The following MTAP variants were observed in gnomAD, a reference collection of about 807,000 sequenced individuals.
The protein encoded by MTAP is methylthioadenosine phosphorylase, also known as S-methyl-5'-thioadenosine phosphorylase.
In MTAP, 33 loss-of-function variants were observed where a neutral mutation model predicts 33.6. The observed-to-expected ratio is 0.98, with a 90% confidence interval of 0.74 to 1.31. The LOEUF (loss-of-function observed/expected upper bound fraction) is 1.31, where lower values mean the gene tolerates loss of function less well. MTAP is among the 40% of genes most tolerant of loss of function. The pLI is 0.00. For synonymous variants in MTAP, 148 were observed against 125.7 expected, an observed-to-expected ratio of 1.18 and a Z score of -1.19; for missense variants, 367 against 360.0, an observed-to-expected ratio of 1.02 and a Z score of -0.16.
intron 1 of MTAP, among the ~76,000 whole-genome samples, chr9:21,903,867 T>C (rs976385854): frequency 5.9e-5 from 9 of 152,174 alleles, no homozygotes; most frequent in Non-Finnish European, 7.3e-5. Context: ...TCTTTTAGTT[T>C]AGCTGTCTGT....
At chr9:21,818,420 C>T (rs1053587840) in intron 4 of MTAP, among the ~76,000 whole-genome samples, 59 of 149,854 alleles carry the variant, frequency 3.9e-4, no homozygotes, top group Admixed American at 2.3e-3. Context: ...CTCCGCCTCC[C>T]AGGTTCAAGC....
At chr9:21,916,088 G>GAAGC (rs1266807690) in intron 1 of MTAP, among the ~76,000 whole-genome samples, 1 of 147,134 alleles carries the variant, frequency 6.8e-6, no homozygotes. Flanking sequence ...GGAAAGGAAG[G>GAAGC]AAGGAAGGAA....
intron 1 of MTAP, among the ~76,000 whole-genome samples, chr9:21,872,392 G>T (rs1358301310): frequency 6.6e-6 from 1 of 152,050 alleles, no homozygotes; most frequent in African/African-American, 2.4e-5. Flanking sequence ...TTTTTTAAAG[G>T]AAGGCTACTT....
chr9:21,894,807 A>AT (rs1480469832), intron 1 of MTAP, among the ~76,000 whole-genome samples: 4 of 151,844 alleles, frequency 2.6e-5, no homozygotes, highest in African/African-American at 9.7e-5. Flanking sequence ...CCTGCATCTG[A>AT]TTAAAAAAAA....
At chr9:21,889,115 T>A (rs1818158901) in intron 1 of MTAP, among the ~76,000 whole-genome samples, 1 of 152,054 alleles carries the variant, frequency 6.6e-6, no homozygotes, top group Non-Finnish European at 1.5e-5. Context: ...GAAAATCAGT[T>A]ATTCTTAGGT....
At chr9:21,856,883 T>C (rs566132618) in intron 6 of MTAP, among the ~76,000 whole-genome samples, 1 of 152,364 alleles carries the variant, frequency 6.6e-6, no homozygotes, top group East Asian at 1.9e-4. Flanking sequence ...TTATTTCACT[T>C]GTTTACTCTT....
intron 5 of MTAP, among the ~76,000 whole-genome samples, chr9:21,845,790 A>C (rs1825365699): frequency 6.6e-6 from 1 of 152,176 alleles, no homozygotes. Context: ...AGACCAAAAA[A>C]AGAGCCCATA....
intron 1 of MTAP, among the ~76,000 whole-genome samples, chr9:21,885,889 A>C (rs932139313): frequency 1.3e-5 from 2 of 150,868 alleles, no homozygotes; most frequent in African/African-American, 4.9e-5. Flanking sequence ...ATATTTTTGC[A>C]GTTGTGAATT....
At chr9:21,917,237 T>A (rs1818706304) in intron 1 of MTAP, among the ~76,000 whole-genome samples, 1 of 152,172 alleles carries the variant, frequency 6.6e-6, no homozygotes, top group African/African-American at 2.4e-5. Flanking sequence ...GGTAGGCAGT[T>A]GTACATAAAA....
chr9:21,933,795 G>A (rs920404624), downstream of MTAP: 1 of 152,140 alleles, frequency 6.6e-6, no homozygotes, highest in African/African-American at 2.4e-5. Context: ...ATGTATGTCT[G>A]TGTATGCATG....
rs201653850 is a variant in MTAP at position 21,837,918 on chromosome 9, A to T, written c.358A>T (p.Arg120Ter). 1 of 1,613,692 alleles carries T rather than the reference A, an allele frequency of 6.2e-7. No individual in the cohort carries two copies. The highest frequency in any genetic ancestry group is 8.5e-7 in the Non-Finnish European group (1 of 1,179,702). The stretch of plus-strand genomic sequence containing the variant: ...TGCTTTATTTTGTAGGACCACTATG[A>T]GACCTCAGTCCTTCTATGATGGAAG... Reference protein sequence around the residue: ...IDQFIDRTTMRPQSFYDGSHS... With the variant: ...IDQFIDRTTM The change falls in exon 5 of 8, where the codon AGA becomes TGA. Residue 120 changes from arginine (R) to a stop codon, truncating the protein, a stop_gained. Coordinates refer to ENST00000644715, the MANE Select transcript of MTAP (RefSeq NM_002451.4). LOFTEE classifies it high-confidence loss of function.
chr9:21,887,609 T>TC (rs1464380078), intron 1 of MTAP, among the ~76,000 whole-genome samples: 1 of 152,200 alleles, frequency 6.6e-6, no homozygotes, highest in African/African-American at 2.4e-5. Context: ...TGATTTATAA[T>TC]CCTTTGGGTA....
At position 21,865,088 on chromosome 9, in the gene MTAP, T is replaced by A; in HGVS notation, c.*3074T>A. ...GTCCCTCCTTGATAAGGTTTGGCGG[T>A]GTCCCCACCCAAATCTCATGTTGAA... On this transcript the variant is annotated 3_prime_UTR_variant, in exon 8 of 8. Coordinates refer to ENST00000644715, the MANE Select transcript of MTAP (RefSeq NM_002451.4). 1.0e-6 allele frequency: 1 copy of A among 985,384 alleles called. No homozygotes were observed. The allele number at this position is 985,384 out of a possible 1,614,324, so 61.0% of individuals were successfully genotyped here. A position where few individuals can be genotyped will look rare whatever the true frequency, so the allele number is the denominator to read the frequency against.
At chr9:21,935,469 T>C (rs531472645), downstream of MTAP, 177 of 152,184 alleles carry the variant, frequency 1.2e-3, no homozygotes, top group African/African-American at 4.0e-3. Flanking sequence ...ATATAAACTA[T>C]TGATTGGCTA....
intron 4 of MTAP, 81 bp downstream of exon 4, chr9:21,818,283 G>C: frequency 1.5e-6 from 2 of 1,296,434 alleles, no homozygotes; most frequent in Non-Finnish European, 2.2e-6. Context: ...GAACCGGCAG[G>C]GCAACTGGGA....
At chr9:21,887,681 C>G (rs1818135585) in intron 1 of MTAP, among the ~76,000 whole-genome samples, 1 of 152,054 alleles carries the variant, frequency 6.6e-6, no homozygotes, top group Non-Finnish European at 1.5e-5. Context: ...CCTGAAGAAT[C>G]GCCACACTGA....
intron 5 of MTAP, among the ~76,000 whole-genome samples, chr9:21,844,127 AGAG>A (rs1335522510): frequency 6.6e-6 from 1 of 152,226 alleles, no homozygotes; most frequent in Non-Finnish European, 1.5e-5. Context: ...TAGAAAATCT[AGAG>A]GAGATGAGTA....
intron 1 of MTAP, among the ~76,000 whole-genome samples, chr9:21,917,174 G>A (rs1013895437): frequency 6.6e-6 from 1 of 152,210 alleles, no homozygotes; most frequent in Non-Finnish European, 1.5e-5. Context: ...GAAATACAAA[G>A]AGTCCAGTTG....
chr9:21,808,585 C>CGAT (rs1442114875), intron 1 of MTAP, among the ~76,000 whole-genome samples: 1 of 110,956 alleles, frequency 9.0e-6, no homozygotes, highest in Non-Finnish European at 1.8e-5. Context: ...AAGTGAGACT[C>CGAT]TGTTTCCAAA....
Sources: allele counts gnomAD v4.1 joint callset (sites outside exome capture counted in the v4.1 genomes callset), GRCh38; gene constraint gnomAD v4.1.1; transcripts MANE v1.5; gene names NCBI Gene and HGNC (gene_info 2026-07-23, HGNC 2026-07-21).